The following KDM4C variants were observed in gnomAD, a reference collection of about 807,000 sequenced individuals.
KDM4C encodes lysine demethylase 4C, also known as lysine-specific demethylase 4C.
A neutral mutation model predicts 129.3 loss-of-function variants in KDM4C; 81 were observed. The observed-to-expected ratio is 0.63, with a 90% CI of 0.52 to 0.75. KDM4C has a LOEUF of 0.75. Among genes scored for constraint, KDM4C ranks in the 30% least tolerant of loss-of-function variants. The pLI, the probability that KDM4C is intolerant of heterozygous loss-of-function variation, is 0.00. For synonymous variants in KDM4C, 573 were observed against 456.1 expected, an observed-to-expected ratio of 1.26 and a Z score of -3.26; for missense variants, 1,457 against 1,304.0, an observed-to-expected ratio of 1.12 and a Z score of -1.81.
chr9:7,013,709 G>A (rs1020405692), intron 13 of KDM4C, 79 bp from the exon 14 acceptor site: 3 of 1,318,146 alleles, frequency 2.3e-6, no homozygotes, highest in Non-Finnish European at 3.2e-6. Flanking sequence ...TCTGGAACAG[G>A]AGTTAGTGGA....
intron 8 of KDM4C, among the ~76,000 whole-genome samples, chr9:6,961,424 T>G (rs1830030623): frequency 6.6e-6 from 1 of 152,142 alleles, no homozygotes; most frequent in Non-Finnish European, 1.5e-5. Context: ...TACTGAAAGG[T>G]ATCCACCTAC....
At chr9:6,778,492 T>G (rs1405052671) in intron 1 of KDM4C, among the ~76,000 whole-genome samples, 1 of 151,276 alleles carries the variant, frequency 6.6e-6, no homozygotes, top group Non-Finnish European at 1.5e-5. Context: ...CAAGGCCCGG[T>G]GCGGTAGCTC....
intron 5 of KDM4C, among the ~76,000 whole-genome samples, chr9:6,852,635 C>G (rs1055048326): frequency 6.6e-6 from 1 of 152,172 alleles, no homozygotes; most frequent in Non-Finnish European, 1.5e-5. Context: ...TTACTTTTCT[C>G]TAGTGGGTGG....
At chr9:6,924,191 G>A (rs1822057135) in intron 8 of KDM4C, among the ~76,000 whole-genome samples, 1 of 152,152 alleles carries the variant, frequency 6.6e-6, no homozygotes, top group Non-Finnish European at 1.5e-5. Flanking sequence ...GAGAGAAAGT[G>A]GTTACTGGTT....
chr9:6,875,427 G>A (rs1843400254), intron 5 of KDM4C, among the ~76,000 whole-genome samples: 1 of 152,060 alleles, frequency 6.6e-6, no homozygotes, highest in South Asian at 2.1e-4. Flanking sequence ...AAGAGGAGTG[G>A]GTGTTTTGTT....
At chr9:7,084,495 TCTC>T (rs1411073587) in intron 17 of KDM4C, among the ~76,000 whole-genome samples, 1 of 152,252 alleles carries the variant, frequency 6.6e-6, no homozygotes, top group African/African-American at 2.4e-5. Context: ...TAATAGGCCT[TCTC>T]CTTAATAACT....
chr9:6,964,561 G>T lies in KDM4C; in HGVS notation c.922-16364G>T, dbSNP rs530014165. 3.4e-4 allele frequency among the ~76,000 whole-genome samples: 52 copies of T among 152,106 alleles called. 1 individual carries two copies. The South Asian group carries it at 0.01, about 30-fold the overall frequency. On this transcript the variant is annotated intron_variant, in intron 8 of 21. Transcript: ENST00000381309. ...TGCCACAGTAAACATACATGTGCAT[G>T]TGTCTTTATAGAGTTCAAGACCAGC...
At chr9:7,108,328 C>G (rs12352705) in intron 18 of KDM4C, among the ~76,000 whole-genome samples, 3,233 of 152,248 alleles carry the variant, frequency 0.021, 108 homozygotes, top group African/African-American at 0.074. Context: ...CCTCTGCTTC[C>G]TGGGCTCAAG....
intron 17 of KDM4C, among the ~76,000 whole-genome samples, chr9:7,088,002 C>G (rs536189062): frequency 6.6e-6 from 1 of 152,314 alleles, no homozygotes; most frequent in Non-Finnish European, 1.5e-5. Flanking sequence ...TGAGGTACTA[C>G]TTATCAAAAA....
At chr9:6,959,955 A>G (rs1315119949) in intron 8 of KDM4C, among the ~76,000 whole-genome samples, 2 of 151,964 alleles carry the variant, frequency 1.3e-5, no homozygotes, top group East Asian at 3.9e-4. Flanking sequence ...CTCTGCTGCC[A>G]TACTAACAAC....
intron 8 of KDM4C, among the ~76,000 whole-genome samples, chr9:6,937,834 C>G (rs939756666): frequency 2.6e-5 from 4 of 152,134 alleles, no homozygotes; most frequent in African/African-American, 9.7e-5. Flanking sequence ...GCCCCAGCCT[C>G]CTGAGTAGCT....
chr9:7,047,295 A>T (rs1213350653), intron 16 of KDM4C, among the ~76,000 whole-genome samples: 1 of 152,104 alleles, frequency 6.6e-6, no homozygotes, highest in African/African-American at 2.4e-5. Context: ...CGTGATCTTC[A>T]GATAAATCAG....
At chr9:6,791,998 G>C (rs1000478082) in intron 1 of KDM4C, among the ~76,000 whole-genome samples, 5 of 151,920 alleles carry the variant, frequency 3.3e-5, no homozygotes, top group African/African-American at 1.2e-4. Context: ...CTCCAGCCTG[G>C]GCAACAGGAG....
chr9:6,912,362 C>A (rs1177385744), intron 8 of KDM4C, among the ~76,000 whole-genome samples: 1 of 152,178 alleles, frequency 6.6e-6, no homozygotes, highest in Admixed American at 6.5e-5. Flanking sequence ...TAGGGTTATT[C>A]TGAAGACTGC....
chr9:6,944,417 A>T (rs924561247), intron 8 of KDM4C, among the ~76,000 whole-genome samples: 1 of 152,178 alleles, frequency 6.6e-6, no homozygotes, highest in Admixed American at 6.5e-5. Context: ...ACATTGTTCA[A>T]AAGAGCTGCA....
chr9:6,723,775 G>A (rs1435407188), intron 1 of KDM4C: 1 of 152,036 alleles, frequency 6.6e-6, no homozygotes, highest in Non-Finnish European at 1.5e-5. Context: ...GATTTCCAAC[G>A]CCTGCCAAAA....
At chr9:6,802,571 T>G (rs1275238477) in intron 2 of KDM4C, among the ~76,000 whole-genome samples, 2 of 152,192 alleles carry the variant, frequency 1.3e-5, no homozygotes, top group African/African-American at 4.8e-5. Flanking sequence ...GACAAAATAC[T>G]GAGTAGGAAT....
At chr9:7,153,131 T>G (rs945122313) in intron 19 of KDM4C, among the ~76,000 whole-genome samples, 1 of 152,084 alleles carries the variant, frequency 6.6e-6, no homozygotes, top group Non-Finnish European at 1.5e-5. Context: ...AGAGATGGGG[T>G]CTTGCTATGT....
intron 17 of KDM4C, among the ~76,000 whole-genome samples, chr9:7,065,378 A>T (rs1832280049): frequency 6.6e-6 from 1 of 152,098 alleles, no homozygotes; most frequent in African/African-American, 2.4e-5. Context: ...TCATTACAGG[A>T]ATAGCGCTTA....
Sources: allele counts gnomAD v4.1 joint callset (sites outside exome capture counted in the v4.1 genomes callset), GRCh38; gene constraint gnomAD v4.1.1; transcripts MANE v1.5; gene names NCBI Gene and HGNC (gene_info 2026-07-23, HGNC 2026-07-21).